Variants in CPPED1 observed in about 807,000 individuals in gnomAD.
CPPED1 encodes the protein calcineurin like phosphoesterase domain containing 1.
A neutral mutation model predicts 28.0 loss-of-function variants in CPPED1; 28 were observed. The ratio of observed to expected loss-of-function variants is 1.00; its 90% CI spans 0.74 to 1.37. The LOEUF (loss-of-function observed/expected upper bound fraction) is 1.37, where lower values mean the gene tolerates loss of function less well. CPPED1 is among the 40% of genes most tolerant of loss of function. CPPED1 has a pLI of 0.00. For missense variants in CPPED1, 504 were observed against 416.5 expected (o/e 1.21, Z -1.83); for synonymous variants, 198 against 180.2 (o/e 1.10, Z -0.79).
intron 3 of CPPED1, among the ~76,000 whole-genome samples, 154 bp from the exon 4 acceptor site, chr16:12,665,269 T>C (rs1474918688): frequency 1.3e-5 from 2 of 152,182 alleles, no homozygotes; most frequent in East Asian, 3.9e-4. Flanking sequence ...TTATTCTGTA[T>C]ATAATCAACA....
intron 2 of CPPED1, among the ~76,000 whole-genome samples, chr16:12,734,853 G>A (rs1392142951): frequency 6.6e-6 from 1 of 152,110 alleles, no homozygotes; most frequent in Non-Finnish European, 1.5e-5. Context: ...CACAATCCAA[G>A]TGCAAGCCTC....
At chr16:12,779,806 A>C (rs2080519216) in intron 2 of CPPED1, among the ~76,000 whole-genome samples, 2 of 152,140 alleles carry the variant, frequency 1.3e-5, no homozygotes, top group South Asian at 4.1e-4. Context: ...GTTAGACATC[A>C]TCACAGAACT....
intron 2 of CPPED1, chr16:12,753,697 C>T (rs1349477070): frequency 6.6e-6 from 1 of 152,222 alleles, no homozygotes; most frequent in Non-Finnish European, 1.5e-5. Flanking sequence ...TGTCTACCCG[C>T]CCTCCTGCCC....
chr16:12,736,247 A>ATTT (rs35834753), intron 2 of CPPED1, among the ~76,000 whole-genome samples: 2 of 142,198 alleles, frequency 1.4e-5, no homozygotes, highest in East Asian at 2.0e-4. Context: ...ACACCTTTGG[A>ATTT]TTTTTTTTTT....
intron 1 of CPPED1, among the ~76,000 whole-genome samples, chr16:12,796,439 G>T (rs945479857): frequency 6.6e-6 from 1 of 151,972 alleles, no homozygotes; most frequent in Non-Finnish European, 1.5e-5. Flanking sequence ...AGCTTGCAGT[G>T]AGCCGAGATC....
chr16:12,758,040 A>C (rs1047724949), intron 2 of CPPED1, among the ~76,000 whole-genome samples: 6 of 151,972 alleles, frequency 3.9e-5, no homozygotes, highest in African/African-American at 1.4e-4. Flanking sequence ...TAAGAGCTGG[A>C]GAGTCAAAGA....
intron 2 of CPPED1, among the ~76,000 whole-genome samples, chr16:12,746,717 G>A (rs1193891456): frequency 6.6e-6 from 1 of 152,132 alleles, no homozygotes; most frequent in Non-Finnish European, 1.5e-5. Context: ...ATTTATTTGT[G>A]GAAGTAAAAT....
chr16:12,688,559 G>A (rs896431386), intron 3 of CPPED1, among the ~76,000 whole-genome samples: 3 of 152,058 alleles, frequency 2.0e-5, no homozygotes, highest in East Asian at 3.9e-4. Flanking sequence ...GGCTGGTCTC[G>A]AACTCCGACC....
At chr16:12,799,392 C>G (rs1485320700) in intron 1 of CPPED1, among the ~76,000 whole-genome samples, 1 of 152,020 alleles carries the variant, frequency 6.6e-6, no homozygotes, top group Admixed American at 6.6e-5. Flanking sequence ...ATTACAGGTG[C>G]CTGCCACCAC....
At chr16:12,697,599 C>A (rs139431185) in intron 3 of CPPED1, among the ~76,000 whole-genome samples, 1 of 152,232 alleles carries the variant, frequency 6.6e-6, no homozygotes, top group East Asian at 1.9e-4. Flanking sequence ...TTTCTCTAAG[C>A]CAAGAGTTGG....
At chr16:12,695,346 A>G (rs2079984380) in intron 3 of CPPED1, among the ~76,000 whole-genome samples, 1 of 152,066 alleles carries the variant, frequency 6.6e-6, no homozygotes, top group East Asian at 1.9e-4. Flanking sequence ...CTCACTGCAG[A>G]CTTGGCTTCC....
At chr16:12,773,695 G>C (rs1039685608) in intron 2 of CPPED1, among the ~76,000 whole-genome samples, 1 of 152,136 alleles carries the variant, frequency 6.6e-6, no homozygotes, top group Non-Finnish European at 1.5e-5. Flanking sequence ...TACCCAGCCT[G>C]GGCGACAGAG....
rs545365442 is a variant in CPPED1 at position 12,775,252 on chromosome 16, T to C, written c.289+5933A>G. ...GAAGGCCCTCAGCTGATGTAGCCCC[T>C]TGACCTTGGACTTCTCAGCCTCCAT... On this transcript the variant is annotated intron_variant, in intron 2 of 3. Coordinates refer to ENST00000381774, the MANE Select transcript of CPPED1 (RefSeq NM_018340.3). Among the ~76,000 whole-genome samples, 11 of 152,278 alleles carry C rather than the reference T, an allele frequency of 7.2e-5. No homozygotes were observed. The South Asian group carries it at 2.1e-3, about 29-fold the overall frequency.
rs745560540 is a variant in CPPED1 at position 12,709,438 on chromosome 16, G to A, written c.290-4389C>T. 2.8e-4 allele frequency among the ~76,000 whole-genome samples: 42 copies of A among 152,148 alleles called. No homozygotes were observed. The highest frequency in any genetic ancestry group is 5.3e-4 in the Non-Finnish European group (36 of 68,026). ...GAGAGGAGCCCTGGGTGGGAATGGC[G>A]AGAGCAGTGTAGAAAGCTGCAAAGC... is the stretch of plus-strand genomic sequence containing the variant. On this transcript the variant is annotated intron_variant, in intron 2 of 3. Coordinates refer to ENST00000381774, the MANE Select transcript of CPPED1 (RefSeq NM_018340.3). This position sits in a 1 kb window ranked among gnomAD's most constrained non-coding sequence, Gnocchi z 4.4.
intron 2 of CPPED1, among the ~76,000 whole-genome samples, chr16:12,758,363 C>T (rs1292949519): frequency 6.6e-6 from 1 of 152,166 alleles, no homozygotes; most frequent in African/African-American, 2.4e-5. Context: ...AACCCAATCT[C>T]CAAAAAGCCT....
At chr16:12,742,994 T>A (rs1457417480) in intron 2 of CPPED1, among the ~76,000 whole-genome samples, 3 of 152,214 alleles carry the variant, frequency 2.0e-5, no homozygotes, top group African/African-American at 4.8e-5. Context: ...GCATTTTGTC[T>A]ATGGGTCATG....
intron 2 of CPPED1, among the ~76,000 whole-genome samples, chr16:12,764,554 G>C (rs1313658836): frequency 2.0e-5 from 3 of 152,066 alleles, no homozygotes; most frequent in African/African-American, 7.2e-5. Context: ...TGCCCAGGCT[G>C]GTCTCAAACT....
intron 2 of CPPED1, among the ~76,000 whole-genome samples, chr16:12,725,541 G>C (rs1026302821): frequency 6.6e-6 from 1 of 152,122 alleles, no homozygotes; most frequent in Admixed American, 6.5e-5. Context: ...TGAGAAAACT[G>C]AGGCTTAGTG....
chr16:12,702,099 G>C (rs1053672246), intron 3 of CPPED1, among the ~76,000 whole-genome samples: 2 of 152,140 alleles, frequency 1.3e-5, no homozygotes, highest in African/African-American at 4.8e-5. Context: ...TGGGAGCTGG[G>C]ATAATTGGAG....
Sources: gnomAD v4.1 joint callset for allele counts (sites outside exome capture counted in the v4.1 genomes callset) on GRCh38, gnomAD v4.1.1 for gene constraint, Gnocchi (gnomAD v3.1) non-coding constraint, MANE v1.5 for transcripts, NCBI Gene and HGNC (gene_info 2026-07-23, HGNC 2026-07-21) for gene names.